The following CNTN5 variants were observed in gnomAD, a reference collection of about 807,000 sequenced individuals.
The protein encoded by CNTN5 is contactin-5.
In CNTN5, 77 loss-of-function variants were observed where a neutral mutation model predicts 129.1. The ratio of observed to expected loss-of-function variants is 0.60; its 90% CI spans 0.50 to 0.72. The LOEUF (loss-of-function observed/expected upper bound fraction) is 0.72, where lower values mean the gene tolerates loss of function less well. CNTN5 is among the 30% of genes least tolerant of loss of function. CNTN5 has a pLI of 0.00. For synonymous variants in CNTN5, 509 were observed against 465.6 expected, an observed-to-expected ratio of 1.09 and a Z score of -1.20; for missense variants, 1,478 against 1,328.8, an observed-to-expected ratio of 1.11 and a Z score of -1.75.
chr11:99,869,596 G>GT (rs1382444797), intron 6 of CNTN5, among the ~76,000 whole-genome samples: 3 of 152,034 alleles, frequency 2.0e-5, no homozygotes, highest in Non-Finnish European at 1.5e-5. Context: ...GCTGTATATT[G>GT]TAAATATATA....
chr11:99,965,805 G>A (rs1029892264), intron 8 of CNTN5, among the ~76,000 whole-genome samples: 1 of 151,974 alleles, frequency 6.6e-6, no homozygotes, highest in African/African-American at 2.4e-5. Context: ...TCTCTTTCTA[G>A]GTCTCTAAGG....
chr11:100,017,577 A>G (rs564878485), intron 9 of CNTN5, among the ~76,000 whole-genome samples: 3 of 152,026 alleles, frequency 2.0e-5, no homozygotes, highest in Non-Finnish European at 4.4e-5. Context: ...ATTAAATTAG[A>G]ACCTGAGTGA....
At chr11:99,941,388 ACT>A (rs112487269) in intron 7 of CNTN5, among the ~76,000 whole-genome samples, 2,935 of 152,152 alleles carry the variant, frequency 0.019, 90 homozygotes, top group African/African-American at 0.067. Flanking sequence ...GAAACATTTT[ACT>A]GTCTGCATTT....
intron 3 of CNTN5, among the ~76,000 whole-genome samples, chr11:99,727,981 T>C (rs1289781061): frequency 6.6e-6 from 1 of 152,224 alleles, no homozygotes; most frequent in Non-Finnish European, 1.5e-5. Context: ...GATTGATTAC[T>C]TAACCACTAT....
chr11:99,411,248 C>A lies in CNTN5; in HGVS notation c.-71+85764C>A, dbSNP rs139484546. On this transcript the variant is annotated intron_variant, in intron 2 of 24. Coordinates refer to ENST00000524871, the MANE Select transcript of CNTN5 (RefSeq NM_014361.4). ...GCCAGAAATCAGACAGAAAAGAGGG[C>A]CAAGAGCAGTAGCTCACACCTGCAA... 8.5e-5 allele frequency among the ~76,000 whole-genome samples: 13 copies of A among 152,246 alleles called. 1 individual carries two copies. Among genetic ancestry groups the A allele is most frequent in the Non-Finnish European group, 1.2e-4 (8 of 68,020 alleles).
chr11:99,571,815 T>C (rs1003404544), intron 3 of CNTN5, among the ~76,000 whole-genome samples: 5 of 152,212 alleles, frequency 3.3e-5, no homozygotes, highest in South Asian at 4.1e-4. Flanking sequence ...ATTTCAGTTA[T>C]AGATTTCTTC....
chr11:99,864,355 C>T (rs1385540811), intron 6 of CNTN5, among the ~76,000 whole-genome samples: 1 of 152,050 alleles, frequency 6.6e-6, no homozygotes, highest in Admixed American at 6.6e-5. Flanking sequence ...CACTCACTCT[C>T]TGCTATCGTC....
chr11:99,379,110 C>A (rs1407014872), intron 2 of CNTN5, among the ~76,000 whole-genome samples: 1 of 149,084 alleles, frequency 6.7e-6, no homozygotes, highest in East Asian at 2.0e-4. Flanking sequence ...TTAATTTATT[C>A]TTTATTATTT....
At chr11:99,385,005 T>G (rs1473235340) in intron 2 of CNTN5, among the ~76,000 whole-genome samples, 2 of 152,202 alleles carry the variant, frequency 1.3e-5, no homozygotes, top group South Asian at 4.1e-4. Context: ...CATTCAATTC[T>G]CAAAGTGTTT....
At chr11:100,136,480 T>G (rs1021007868) in intron 13 of CNTN5, among the ~76,000 whole-genome samples, 26 of 152,106 alleles carry the variant, frequency 1.7e-4, no homozygotes, top group Admixed American at 1.6e-3. Flanking sequence ...TATTTTCAAT[T>G]CTGGAGGAAA....
At chr11:99,254,585 G>A (rs1027745922) in intron 1 of CNTN5, among the ~76,000 whole-genome samples, 2 of 151,888 alleles carry the variant, frequency 1.3e-5, no homozygotes, top group Non-Finnish European at 1.5e-5. Flanking sequence ...AACTATATTT[G>A]TCCCAGATTC....
rs1281934095 is a variant in CNTN5 at position 100,193,567 on chromosome 11, T to C, written c.1788T>C (p.Ile596=). 1 of 1,611,558 alleles carries C rather than the reference T, an allele frequency of 6.2e-7. No homozygotes were observed. Among genetic ancestry groups the C allele is most frequent in the Non-Finnish European group, 8.5e-7 (1 of 1,178,548 alleles). Reference sequence around the variant, plus strand: ...GCATTGTCCTTAATTGCAAAGCAATTCACGATGCTAGTTTGGATGTCACTT... The same window carrying C: ...GCATTGTCCTTAATTGCAAAGCAATCCACGATGCTAGTTTGGATGTCACTT... The part of the protein sequence containing the change: ...GESIVLNCKA[I]HDASLDVTFY... Residue 596 remains isoleucine, a synonymous_variant, in exon 15 of 25, where the codon ATT becomes ATC. Coordinates refer to ENST00000524871, the MANE Select transcript of CNTN5 (RefSeq NM_014361.4).
chr11:100,326,369 TAAGA>T (rs761781134), intron 21 of CNTN5, among the ~76,000 whole-genome samples: 27 of 152,196 alleles, frequency 1.8e-4, no homozygotes, highest in Non-Finnish European at 2.5e-4. Flanking sequence ...TTCTGACATT[TAAGA>T]TAGAGAAATT....
intron 2 of CNTN5, among the ~76,000 whole-genome samples, chr11:99,338,925 T>TATATATATATATATATATCTGTG (rs1555114983): frequency 9.2e-5 from 9 of 97,580 alleles, no homozygotes; most frequent in African/African-American, 3.4e-4. Context: ...CACAGATATA[T>TATATATATATATATATATCTGTG]ATATATATAT....
chr11:99,668,900 G>A (rs1228551166), intron 3 of CNTN5, among the ~76,000 whole-genome samples: 1 of 152,064 alleles, frequency 6.6e-6, no homozygotes, highest in Non-Finnish European at 1.5e-5. Context: ...ACTGAAGTAA[G>A]TTTTCTCACC....
chr11:99,479,266 C>CT (rs11372808), intron 2 of CNTN5, among the ~76,000 whole-genome samples: 47,387 of 147,648 alleles, frequency 0.32, 7,555 homozygotes, highest in Admixed American at 0.4. Flanking sequence ...GCCCTTCACA[C>CT]TTTTTTTTTT....
chr11:100,337,203 C>T, intron 21 of CNTN5: 1 of 1,539,292 alleles, frequency 6.5e-7, no homozygotes, highest in Non-Finnish European at 9.0e-7. Flanking sequence ...GCAGTGAAAA[C>T]ACTGTAGTTC....
At chr11:99,766,137 T>C (rs1196671386) in intron 3 of CNTN5, among the ~76,000 whole-genome samples, 10 of 152,046 alleles carry the variant, frequency 6.6e-5, no homozygotes, top group Admixed American at 2.0e-4. Context: ...AAACATGTTT[T>C]TGGAAATTTT....
chr11:99,373,591 T>C (rs4366449), intron 2 of CNTN5, among the ~76,000 whole-genome samples: 27,381 of 151,402 alleles, frequency 0.18, 2,551 homozygotes, highest in African/African-American at 0.21. Context: ...TGCATGCCTG[T>C]GATCCCAGCT....
Sources: gnomAD v4.1 joint callset for allele counts (sites outside exome capture counted in the v4.1 genomes callset) on GRCh38, gnomAD v4.1.1 for gene constraint, MANE v1.5 for transcripts, NCBI Gene and HGNC (gene_info 2026-07-23, HGNC 2026-07-21) for gene names.